The following CBX5 variants were observed in gnomAD, a reference collection of about 807,000 sequenced individuals.
CBX5 encodes chromobox protein homolog 5.
In CBX5, 7 loss-of-function variants were observed where a neutral mutation model predicts 20.7. That is an observed-to-expected ratio of 0.34 (90% CI 0.19 to 0.63). The LOEUF (loss-of-function observed/expected upper bound fraction) is 0.63. CBX5 is among the 30% of genes least tolerant of loss of function. The pLI is 0.75. For synonymous variants in CBX5, 78 were observed against 77.0 expected, an observed-to-expected ratio of 1.01 and a Z score of -0.07; for missense variants, 110 against 224.1, an observed-to-expected ratio of 0.49 and a Z score of 3.25.
rs1943666401 is a variant in CBX5 at position 54,240,532 on chromosome 12, A to T, written c.*1223T>A. The T allele has an allele frequency of 6.6e-6, 1 of 152,210 alleles. No individual in the cohort carries two copies. The highest frequency in any genetic ancestry group is 1.9e-4 in the East Asian group (1 of 5,186). The allele number at this position is 152,210 out of a possible 1,614,324, so 9.4% of individuals were successfully genotyped here. On this transcript the variant is annotated 3_prime_UTR_variant, in exon 5 of 5. Transcript: ENST00000209875. ...GGTAGCCACTGTGCCTGGCCATGAA[A>T]ATTCATTTTAAAAAATAAGATACAA...
rs1252114553 is a variant in CBX5 at position 54,236,557 on chromosome 12, C to T, written c.*5198G>A. The T allele has an allele frequency of 2.0e-5, 3 of 152,188 alleles. No homozygotes were observed. The highest frequency in any genetic ancestry group is 7.2e-5 in the African/African-American group (3 of 41,438). 9.4% of individuals were successfully genotyped at this position (152,188 alleles called of 1,614,324 possible). ...GTAGCATGAAACTGCAATACACTGG[C>T]TCCAGACCTTTCCTCTCTGCCTTGC... is the stretch of plus-strand genomic sequence containing the variant. On this transcript the variant is annotated 3_prime_UTR_variant, in exon 5 of 5. Coordinates refer to ENST00000209875, the MANE Select transcript of CBX5 (RefSeq NM_012117.3).
chr12:54,271,667 T>C lies in CBX5; in HGVS notation c.-43+8341A>G, dbSNP rs924967265. Among the ~76,000 whole-genome samples, 11 of 152,382 alleles carry C rather than the reference T, an allele frequency of 7.2e-5. 1 individual carries two copies. In the East Asian group the frequency reaches 1.7e-3, roughly 24 times the overall value. On this transcript the variant is annotated intron_variant, in intron 1 of 4. Coordinates refer to ENST00000209875, the MANE Select transcript of CBX5 (RefSeq NM_012117.3). ...TTCCTTTGTGTATGTTGAAGCTTTA[T>C]TATTAGCTTTTAGGACATTTAGGAT...
At chr12:54,258,866 G>A (rs1156552094) in intron 1 of CBX5, among the ~76,000 whole-genome samples, 1 of 152,122 alleles carries the variant, frequency 6.6e-6, no homozygotes, top group Non-Finnish European at 1.5e-5. Flanking sequence ...CTGGGTCAGG[G>A]AGGGCCCACT....
intron 1 of CBX5, chr12:54,277,245 C>T (rs916387552): frequency 1.3e-5 from 2 of 152,130 alleles, no homozygotes; most frequent in African/African-American, 2.4e-5. Flanking sequence ...GCTTTGTCGC[C>T]CAGGCTGGAG....
rs1486764475 is a variant in CBX5 at position 54,232,852 on chromosome 12, G to A, written c.*8903C>T. On this transcript the variant is annotated 3_prime_UTR_variant, in exon 5 of 5. Coordinates refer to ENST00000209875, the MANE Select transcript of CBX5 (RefSeq NM_012117.3). ...AAATATTCACTTTATCTTAGGAGGT[G>A]AAGGACTAAGTCACACTGATTTCTC... 3 of 152,136 alleles carry A rather than the reference G, an allele frequency of 2.0e-5. No homozygotes were observed. Among genetic ancestry groups the A allele is most frequent in the Non-Finnish European group, 4.4e-5 (3 of 68,028 alleles). 9.4% of individuals were successfully genotyped at this position (152,136 alleles called of 1,614,324 possible). A position where few individuals can be genotyped will look rare whatever the true frequency, so the allele number is the denominator to read the frequency against.
Position 54,248,709 on chromosome 12 carries a change from G to T in CBX5, c.325-2494C>A, listed in dbSNP as rs79741122. Among the ~76,000 whole-genome samples the T allele has an allele frequency of 6.1e-4, 93 of 152,272 alleles. 1 individual carries two copies. The East Asian group carries it at 0.018, about 29-fold the overall frequency. On this transcript the variant is annotated intron_variant, in intron 3 of 4. Coordinates refer to ENST00000209875, the MANE Select transcript of CBX5 (RefSeq NM_012117.3). ...GCTACATAGGGAGGGAAGAGGAGGCGAATGGAAGAAAAACGTTCAAGCTGC... is the reference window on the plus strand; with the variant it reads ...GCTACATAGGGAGGGAAGAGGAGGCTAATGGAAGAAAAACGTTCAAGCTGC...
intron 1 of CBX5, among the ~76,000 whole-genome samples, chr12:54,258,727 G>C (rs2137022550): frequency 6.6e-6 from 1 of 152,212 alleles, no homozygotes; most frequent in African/African-American, 2.4e-5. Flanking sequence ...CATGCTAAAT[G>C]GTGCCTACAG....
rs539471510 is a variant in CBX5, at chr12:54,254,726, G to A, written c.138-2499C>T. Among the ~76,000 whole-genome samples, 6 of 151,986 alleles carry A rather than the reference G, an allele frequency of 3.9e-5. No homozygotes were observed. In the Middle Eastern group the frequency reaches 0.014, roughly 345 times the overall value. ...AATTTAGAAGGGCGTGGTGGCGGGC[G>A]CCTGTAATCCCATCTACTCAGGAGG... On this transcript the variant is annotated intron_variant, in intron 2 of 4. Transcript: ENST00000209875.
chr12:54,233,472 C>G lies in CBX5; in HGVS notation c.*8283G>C, dbSNP rs1410707041. 1 of 152,128 alleles carries G rather than the reference C, an allele frequency of 6.6e-6. No homozygotes were observed. The highest frequency in any genetic ancestry group is 1.5e-5 in the Non-Finnish European group (1 of 68,034). 9.4% of individuals were successfully genotyped at this position (152,128 alleles called of 1,614,324 possible). On this transcript the variant is annotated 3_prime_UTR_variant, in exon 5 of 5. Transcript: ENST00000209875. The stretch of plus-strand genomic sequence containing the variant: ...CCGGAAACCAGAACACTGACTTGAG[C>G]CTTAAGAGTGTTGTGACATGATTAA...
At chr12:54,246,544 G>A (rs1172283902) in intron 3 of CBX5, among the ~76,000 whole-genome samples, 1 of 152,098 alleles carries the variant, frequency 6.6e-6, no homozygotes, top group African/African-American at 2.4e-5. Flanking sequence ...CACTTTGGGA[G>A]GCCAAGGCAG....
chr12:54,237,215 T>A lies in CBX5; in HGVS notation c.*4540A>T, dbSNP rs1391453552. On this transcript the variant is annotated 3_prime_UTR_variant, in exon 5 of 5. Coordinates refer to ENST00000209875, the MANE Select transcript of CBX5 (RefSeq NM_012117.3). ...TCTGTCTATAATGAGAATATATCAA[T>A]AGCAGGAAATCTACTTTCACACATG... 6.6e-6 allele frequency: 1 copy of A among 152,118 alleles called. No individual in the cohort carries two copies. Among genetic ancestry groups the A allele is most frequent in the Non-Finnish European group, 1.5e-5 (1 of 68,032 alleles). 9.4% of individuals were successfully genotyped at this position (152,118 alleles called of 1,614,324 possible).
intron 1 of CBX5, among the ~76,000 whole-genome samples, chr12:54,275,311 C>T (rs764760679): frequency 1.4e-4 from 22 of 151,986 alleles, no homozygotes; most frequent in Non-Finnish European, 2.6e-4. Context: ...GGTGCAATCT[C>T]GGCTCACTGT....
intron 1 of CBX5, among the ~76,000 whole-genome samples, chr12:54,275,050 G>C (rs773532602): frequency 6.6e-6 from 1 of 152,106 alleles, no homozygotes; most frequent in African/African-American, 2.4e-5. Flanking sequence ...AGGGCTCTGA[G>C]AATCTCCAGA....
In CBX5 at chr12:54,279,699, A is replaced by G. The variant is rs1944112175; in HGVS notation, c.-43+309T>C. Among the ~76,000 whole-genome samples the G allele has an allele frequency of 2.0e-5, 3 of 152,144 alleles. No homozygotes were observed. In the South Asian group the frequency reaches 6.2e-4, roughly 32 times the overall value. On this transcript the variant is annotated intron_variant, in intron 1 of 4. Transcript: ENST00000209875. ...CCGCGCGCTTCCTGCTCACTGGCTC[A>G]GTGAGACGCTGCTCAGAAGGGGAAA...
intron 1 of CBX5, among the ~76,000 whole-genome samples, chr12:54,263,323 T>C (rs1031785680): frequency 6.6e-6 from 1 of 151,462 alleles, no homozygotes; most frequent in Admixed American, 6.6e-5. Context: ...ATCAAGCCAT[T>C]GCACTCCAGC....
intron 1 of CBX5, chr12:54,276,671 C>CA (rs1944071318): frequency 6.6e-6 from 1 of 152,152 alleles, no homozygotes; most frequent in Admixed American, 6.5e-5. Flanking sequence ...CTTTTTCCCC[C>CA]AAAACCCTGG....
chr12:54,242,118 A>C (rs1479777561), intron 4 of CBX5, among the ~76,000 whole-genome samples: 1 of 152,224 alleles, frequency 6.6e-6, no homozygotes, highest in Non-Finnish European at 1.5e-5. Context: ...CTGTAGCTAG[A>C]ATTTAGATGT....
chr12:54,263,756 C>CT (rs1444258033), intron 1 of CBX5, among the ~76,000 whole-genome samples: 2 of 97,658 alleles, frequency 2.0e-5, no homozygotes, highest in Non-Finnish European at 3.7e-5. Flanking sequence ...GGGTAAGACT[C>CT]TATCTCAAAA....
intron 3 of CBX5, among the ~76,000 whole-genome samples, chr12:54,248,651 T>C (rs948993521): frequency 3.9e-5 from 6 of 152,116 alleles, no homozygotes; most frequent in Admixed American, 2.0e-4. Flanking sequence ...ATGGACTAAG[T>C]TGTAAATCAT....
Sources: allele counts gnomAD v4.1 joint callset (sites outside exome capture counted in the v4.1 genomes callset), GRCh38; gene constraint gnomAD v4.1.1; transcripts MANE v1.5; gene names NCBI Gene and HGNC (gene_info 2026-07-23, HGNC 2026-07-21).